Variants in CDK12 observed in about 807,000 individuals in gnomAD.
CDK12 encodes the protein cyclin-dependent kinase 12.
Under a neutral mutation model 133.8 loss-of-function variants are expected in CDK12, and 17 were observed. That is an observed-to-expected ratio of 0.13 (90% confidence interval 0.09 to 0.19). The LOEUF (loss-of-function observed/expected upper bound fraction) is 0.19. Among genes scored for constraint, CDK12 ranks in the 10% least tolerant of loss-of-function variants. The probability of loss-of-function intolerance (pLI) is 1.00; values close to 1 mark genes in which losing one functional copy is unlikely to be tolerated. For missense variants in CDK12, 1,508 were observed against 1,818.7 expected (o/e 0.83, Z 3.11); for synonymous variants, 694 against 683.6 (o/e 1.02, Z -0.24).
chr17:39,527,406 A>C (rs183530691), intron 13 of CDK12, among the ~76,000 whole-genome samples: 135 of 152,294 alleles, frequency 8.9e-4, no homozygotes, highest in African/African-American at 3.0e-3. Context: ...TTTCACTGTT[A>C]ATTAGCACTT....
At chr17:39,464,381 T>A (rs1055337886) in intron 1 of CDK12, among the ~76,000 whole-genome samples, 3 of 145,534 alleles carry the variant, frequency 2.1e-5, no homozygotes, top group African/African-American at 5.0e-5. Context: ...CCACCATGCC[T>A]GGCTAATTTT....
upstream of CDK12, among the ~76,000 whole-genome samples, chr17:39,544,792 G>A (rs4572421): frequency 0.33 from 50,679 of 151,672 alleles, 9,758 homozygotes; most frequent in South Asian, 0.5. Context: ...CACCACACCC[G>A]GCTCATTTTG....
intron 3 of CDK12, among the ~76,000 whole-genome samples, chr17:39,563,348 G>A (rs73302585): frequency 0.017 from 2,591 of 151,870 alleles, 73 homozygotes; most frequent in African/African-American, 0.058. Flanking sequence ...TGAGTCAGGT[G>A]GGCTAGGGAT....
In CDK12 at chr17:39,477,981, C is replaced by G. The variant is rs181174329; in HGVS notation, c.1931+6218C>G. Among the ~76,000 whole-genome samples, 5 of 151,550 alleles carry G rather than the reference C, an allele frequency of 3.3e-5. No individual in the cohort carries two copies. The East Asian group carries it at 9.8e-4, about 30-fold the overall frequency. The stretch of plus-strand genomic sequence containing the variant: ...TCGGCCTCCCAAAGTGCTGGGATTA[C>G]AGGCATGAGCCACTGCACCGGGCCC... On this transcript the variant is annotated intron_variant, in intron 2 of 13. Coordinates refer to ENST00000447079, the MANE Select transcript of CDK12 (RefSeq NM_016507.4).
rs1567794969 is a variant in CDK12, at chr17:39,532,369, A to C, written c.*1053A>C. 1.3e-5 allele frequency: 3 copies of C among 233,090 alleles called. No homozygotes were observed. Among genetic ancestry groups the C allele is most frequent in the Non-Finnish European group, 2.5e-5 (3 of 117,972 alleles). The allele number at this position is 233,090 out of a possible 1,614,324, so 14.4% of individuals were successfully genotyped here. On this transcript the variant is annotated 3_prime_UTR_variant, in exon 14 of 14. Transcript: ENST00000447079. ...ATTTGTAAGTGTGGACAGCTTGGAC[A>C]TTGCTGCTGAGCTGTGGTTAGAGAT...
intron 2 of CDK12, among the ~76,000 whole-genome samples, chr17:39,552,865 A>G (rs2056009737): frequency 6.6e-6 from 1 of 152,052 alleles, no homozygotes; most frequent in African/African-American, 2.4e-5. Context: ...AGTACCTGGG[A>G]TTATAGGTGC....
intron 11 of CDK12, among the ~76,000 whole-genome samples, chr17:39,521,597 TCGC>T (rs2054171416): frequency 6.8e-6 from 1 of 146,968 alleles, no homozygotes; most frequent in South Asian, 2.2e-4. Flanking sequence ...TCTCGCTCTG[TCGC>T]CCAGGCTGGA....
rs2145848322 is a variant in CDK12, at chr17:39,491,793, C to T, written c.2109-958C>T. ...TGCCTGGCTGTGTGTTTATATATTT[C>T]ATATCATTTCATTTCTGACTTTTTA... On this transcript the variant is annotated intron_variant, in intron 3 of 13. Transcript: ENST00000447079. Among the ~76,000 whole-genome samples, 3 of 141,702 alleles carry T rather than the reference C, an allele frequency of 2.1e-5. No individual in the cohort carries two copies. The Admixed American group carries it at 2.2e-4, about 11-fold the overall frequency. The allele number at this position is 141,702 out of a possible 152,430, so 93.0% of individuals were successfully genotyped here. A position where few individuals can be genotyped will look rare whatever the true frequency, so the allele number is the denominator to read the frequency against.
downstream of CDK12, among the ~76,000 whole-genome samples, chr17:39,536,180 C>T (rs753600013): frequency 6.6e-6 from 1 of 152,168 alleles, no homozygotes; most frequent in Non-Finnish European, 1.5e-5. Context: ...CATCTCCTAT[C>T]CACCCACTTC....
downstream of CDK12, chr17:39,534,596 C>T (rs1047733782): frequency 8.9e-5 from 20 of 225,238 alleles, no homozygotes; most frequent in Admixed American, 1.0e-3. Context: ...CTGAGCATAT[C>T]TAATCATGTA....
At chr17:39,489,013 T>G (rs1279214398) in intron 2 of CDK12, among the ~76,000 whole-genome samples, 1 of 151,458 alleles carries the variant, frequency 6.6e-6, no homozygotes, top group Admixed American at 6.6e-5. Flanking sequence ...CTCCTCCTCC[T>G]AGGCTCAAGC....
At chr17:39,482,426 G>C (rs959436612) in intron 2 of CDK12, among the ~76,000 whole-genome samples, 3 of 151,786 alleles carry the variant, frequency 2.0e-5, no homozygotes, top group Non-Finnish European at 4.4e-5. Flanking sequence ...AATGAACCAG[G>C]ATTTTCCTAG....
intron 2 of CDK12, 113 bp downstream of exon 2, chr17:39,471,876 A>G (rs1431433283): frequency 1.0e-6 from 1 of 961,684 alleles, no homozygotes; most frequent in Non-Finnish European, 1.5e-6. Flanking sequence ...AATGTCTTTG[A>G]TATTTTCAGT....
At chr17:39,467,117 T>C (rs1254969838) in intron 1 of CDK12, among the ~76,000 whole-genome samples, 1 of 152,102 alleles carries the variant, frequency 6.6e-6, no homozygotes, top group Non-Finnish European at 1.5e-5. Flanking sequence ...TAGCTGGGAC[T>C]ACAGGCGCGC....
At position 39,481,633 on chromosome 17, in the gene CDK12, GCTCTCTCT is replaced by G. The variant is rs58047556; in HGVS notation, c.1932-8853_1932-8846del. 2.2e-3 allele frequency among the ~76,000 whole-genome samples: 39 copies of G among 17,600 alleles called. 2 individuals carry two copies. Among genetic ancestry groups the G allele is most frequent in the East Asian group, 9.3e-3 (5 of 536 alleles). 11.5% of individuals were successfully genotyped at this position (17,600 alleles called of 152,430 possible). ...CACTTATGTGCTTGCTCGCTCGCGCGCTCTCTCTCTCTCTCTCTCTCTCTCTCTCTCTC... is the reference window on the plus strand; with the variant it reads ...CACTTATGTGCTTGCTCGCTCGCGCGCTCTCTCTCTCTCTCTCTCTCTCTC... On this transcript the variant is annotated intron_variant, in intron 2 of 13. Transcript: ENST00000447079.
At chr17:39,485,229 A>G (rs2051023974) in intron 2 of CDK12, among the ~76,000 whole-genome samples, 1 of 151,782 alleles carries the variant, frequency 6.6e-6, no homozygotes, top group Non-Finnish European at 1.5e-5. Context: ...ATAAGAGAGT[A>G]CCTAATCTGT....
chr17:39,466,264 C>T (rs12950666), intron 1 of CDK12, among the ~76,000 whole-genome samples: 93,655 of 148,094 alleles, frequency 0.63, 32,251 homozygotes, highest in South Asian at 0.89. Flanking sequence ...GCCAAAGTCA[C>T]GCCACTGCAC....
chr17:39,539,709 AG>A (rs778391896), intron 1 of CDK12, among the ~76,000 whole-genome samples: 3 of 152,248 alleles, frequency 2.0e-5, no homozygotes, highest in Non-Finnish European at 2.9e-5. Context: ...ATATCAATGC[AG>A]GTTGTAATAT....
At chr17:39,540,765 C>T (rs1358834988) in intron 1 of CDK12, among the ~76,000 whole-genome samples, 1 of 151,964 alleles carries the variant, frequency 6.6e-6, no homozygotes, top group Non-Finnish European at 1.5e-5. Flanking sequence ...CGGCGGGGGA[C>T]TCTTTAGTGC....
Sources: allele counts gnomAD v4.1 joint callset (sites outside exome capture counted in the v4.1 genomes callset), GRCh38; gene constraint gnomAD v4.1.1; transcripts MANE v1.5; gene names NCBI Gene and HGNC (gene_info 2026-07-23, HGNC 2026-07-21).